The following ASNS variants were observed in gnomAD, a reference collection of about 807,000 sequenced individuals.
ASNS encodes the protein asparagine synthetase [glutamine-hydrolyzing].
In ASNS, 37 loss-of-function variants were observed where a neutral mutation model predicts 62.6. The observed-to-expected ratio is 0.59, with a 90% CI of 0.45 to 0.78. The LOEUF is 0.78. Among genes scored for constraint, ASNS ranks in the 30% least tolerant of loss-of-function variants. The pLI, the probability that ASNS is intolerant of heterozygous loss-of-function variation, is 0.00. For synonymous variants in ASNS, 207 were observed against 237.9 expected, an observed-to-expected ratio of 0.87 and a Z score of 1.19; for missense variants, 520 against 682.4, an observed-to-expected ratio of 0.76 and a Z score of 2.65.
At chr7:97,911,598 C>T in the ASNS span, among the ~76,000 whole-genome samples, 1 of 151,850 alleles carries the variant, frequency 6.6e-6, no homozygotes, top group East Asian at 1.9e-4. Flanking sequence ...GCCAAGGTCA[C>T]GCCACTGCAC....
At chr7:97,895,522 G>A in the ASNS span, among the ~76,000 whole-genome samples, 1 of 152,340 alleles carries the variant, frequency 6.6e-6, no homozygotes, top group East Asian at 1.9e-4. Context: ...GGCTGGGCAT[G>A]GTAGCTCATG....
the ASNS span, among the ~76,000 whole-genome samples, chr7:97,912,355 TG>T: frequency 6.6e-6 from 1 of 152,114 alleles, no homozygotes; most frequent in East Asian, 1.9e-4. Context: ...TTGAGTTTTT[TG>T]TTTGTTTGTT....
chr7:97,858,643 C>A (rs1791571644), intron 6 of ASNS, among the ~76,000 whole-genome samples: 1 of 152,166 alleles, frequency 6.6e-6, no homozygotes, highest in Non-Finnish European at 1.5e-5. Context: ...CTGACTCACT[C>A]TTAACACCAA....
At position 97,858,898 on chromosome 7, in the gene ASNS, T is replaced by C. The variant is rs779252740; in HGVS notation, c.731A>G (p.Lys244Arg). 3 of 1,613,904 alleles carry C rather than the reference T, an allele frequency of 1.9e-6. No individual in the cohort carries two copies. Among genetic ancestry groups the C allele is most frequent in the Non-Finnish European group, 2.5e-6 (3 of 1,179,954 alleles). Residue 244 changes from lysine (K) to arginine (R), a missense_variant, in exon 6 of 13, where the codon AAG becomes AGG. Transcript: ENST00000394308. ...NLRILFNNAVKKRLMTDRRIG... is the reference protein window; with the variant it reads ...NLRILFNNAVRKRLMTDRRIG... The stretch of plus-strand genomic sequence containing the variant: ...CCTTCTGTCTGTCATCAAACGTTTC[T>C]TTACAGCATTATTAAAAAGGATCCT...
Position 97,852,123 on chromosome 7 carries a change from A to G in ASNS, c.*136T>C. 1 of 904,972 alleles carries G rather than the reference A, an allele frequency of 1.1e-6. No individual in the cohort carries two copies. Among genetic ancestry groups the G allele is most frequent in the Non-Finnish European group, 1.7e-6 (1 of 596,760 alleles). The allele number at this position is 904,972 out of a possible 1,614,324, so 56.1% of individuals were successfully genotyped here. ...CTGCATGAACATAAATGACTACAGC[A>G]ATGGTTTAGATTTAGGACTTTTATT... On this transcript the variant is annotated 3_prime_UTR_variant, in exon 13 of 13. Coordinates refer to ENST00000394308, the MANE Select transcript of ASNS (RefSeq NM_001673.5).
chr7:97,854,459 A>C, intron 10 of ASNS, 121 bp downstream of exon 10: 2 of 1,203,086 alleles, frequency 1.7e-6, no homozygotes, highest in Non-Finnish European at 2.3e-6. Context: ...ATAGCCAACT[A>C]TATGTAACAT....
chr7:97,867,331 T>C lies in ASNS; in HGVS notation c.249+1577A>G, dbSNP rs1181465342. 1.5e-5 allele frequency among the ~76,000 whole-genome samples: 2 copies of C among 130,816 alleles called. 1 individual carries two copies. Among genetic ancestry groups the C allele is most frequent in the Non-Finnish European group, 3.6e-5 (2 of 55,764 alleles). The allele number at this position is 130,816 out of a possible 152,430, so 85.8% of individuals were successfully genotyped here. ...GTGTGGGGGGGATTTCTGAATACTT[T>C]ATATAAGCCTAAAGTATACATTCTG... is the stretch of plus-strand genomic sequence containing the variant. On this transcript the variant is annotated intron_variant, in intron 3 of 12. Transcript: ENST00000394308.
the ASNS span, among the ~76,000 whole-genome samples, chr7:97,891,201 G>C: frequency 6.6e-6 from 1 of 152,214 alleles, no homozygotes; most frequent in African/African-American, 2.4e-5. Flanking sequence ...CAAAGATAGA[G>C]CTTCTGCAGA....
rs762748392 is a variant in ASNS at position 97,855,341 on chromosome 7, C to T, written c.1137+12G>A. On this transcript the variant is annotated intron_variant, in intron 9 of 12. Coordinates refer to ENST00000394308, the MANE Select transcript of ASNS (RefSeq NM_001673.5). The stretch of plus-strand genomic sequence containing the variant: ...ATATAGCATGAATATCCCTCCACTT[C>T]AGAGTGGTTACCTTGTGAAAATATA... 1 of 1,582,362 alleles carries T rather than the reference C, an allele frequency of 6.3e-7. No individual in the cohort carries two copies. The highest frequency in any genetic ancestry group is 8.7e-7 in the Non-Finnish European group (1 of 1,152,934).
the ASNS span, among the ~76,000 whole-genome samples, chr7:97,911,769 G>A: frequency 1.3e-5 from 2 of 152,116 alleles, no homozygotes; most frequent in Non-Finnish European, 2.9e-5. Context: ...CAAGGAATAA[G>A]GAGGGAGGGA....
the ASNS span, among the ~76,000 whole-genome samples, chr7:97,891,594 T>C: frequency 2.0e-5 from 3 of 152,228 alleles, no homozygotes; most frequent in Admixed American, 6.5e-5. Flanking sequence ...GGTATAGGCA[T>C]TGGGTAAACA....
chr7:97,853,018 CAA>C, intron 12 of ASNS, 40 bp downstream of exon 12: 1 of 1,495,774 alleles, frequency 6.7e-7, no homozygotes, highest in Non-Finnish European at 8.9e-7. Flanking sequence ...GCTCTGCATC[CAA>C]ACTGTCTTAT....
chr7:97,876,894 A>T (rs1792449239), upstream of ASNS, among the ~76,000 whole-genome samples: 1 of 152,106 alleles, frequency 6.6e-6, no homozygotes, highest in South Asian at 2.1e-4. Flanking sequence ...GACTTTAGGT[A>T]TATGGACCTG....
At chr7:97,900,290 G>A in the ASNS span, among the ~76,000 whole-genome samples, 1 of 148,468 alleles carries the variant, frequency 6.7e-6, no homozygotes, top group Non-Finnish European at 1.5e-5. Context: ...TGAATCTGGA[G>A]GCAGAGGTTG....
At chr7:97,901,990 A>C in the ASNS span, among the ~76,000 whole-genome samples, 1 of 151,588 alleles carries the variant, frequency 6.6e-6, no homozygotes, top group Non-Finnish European at 1.5e-5. Context: ...GAAAAAAAAA[A>C]CCCTTAAGTG....
At chr7:97,893,629 G>T in the ASNS span, among the ~76,000 whole-genome samples, 131 of 131,032 alleles carry the variant, frequency 1.0e-3, no homozygotes, top group South Asian at 0.012. Context: ...AAAGGACAAA[G>T]AAGGTCATTA....
At chr7:97,917,339 C>T in the ASNS span, among the ~76,000 whole-genome samples, 2 of 152,182 alleles carry the variant, frequency 1.3e-5, no homozygotes, top group Non-Finnish European at 2.9e-5. Flanking sequence ...ACAGAGAAGC[C>T]ACGGCCGTGC....
the ASNS span, among the ~76,000 whole-genome samples, chr7:97,882,625 T>TTAAATAAA: frequency 0.011 from 1,590 of 142,380 alleles, 33 homozygotes; most frequent in South Asian, 0.02. Context: ...CAGAGAGAGA[T>TTAAATAAA]TAAATAAATA....
At chr7:97,924,987 A>G in the ASNS span, among the ~76,000 whole-genome samples, 1 of 152,078 alleles carries the variant, frequency 6.6e-6, no homozygotes, top group South Asian at 2.1e-4. Context: ...AAATACAAAA[A>G]TTAGCCAGGT....
Sources: allele counts gnomAD v4.1 joint callset (sites outside exome capture counted in the v4.1 genomes callset), GRCh38; gene constraint gnomAD v4.1.1; transcripts MANE v1.5; gene names NCBI Gene and HGNC (gene_info 2026-07-23, HGNC 2026-07-21).